MCC: variants seen among roughly 807,000 people sequenced by gnomAD.
MCC encodes the protein MCC regulator of Wnt signaling pathway, also known as colorectal mutant cancer protein.
In MCC, 90 loss-of-function variants were observed where a neutral mutation model predicts 116.2. The observed-to-expected ratio is 0.77, with a 90% CI of 0.65 to 0.92. The LOEUF (loss-of-function observed/expected upper bound fraction) is 0.92, where lower values mean the gene tolerates loss of function less well. MCC is among the 40% of genes least tolerant of loss of function. The probability of loss-of-function intolerance (pLI) is 0.00; values close to 1 mark genes in which losing one functional copy is unlikely to be tolerated. For synonymous variants in MCC, 578 were observed against 510.5 expected, an observed-to-expected ratio of 1.13 and a Z score of -1.78; for missense variants, 1,516 against 1,312.2, an observed-to-expected ratio of 1.16 and a Z score of -2.40.
At chr5:113,213,152 C>G (rs1763191647) in intron 3 of MCC, among the ~76,000 whole-genome samples, 1 of 152,200 alleles carries the variant, frequency 6.6e-6, no homozygotes, top group Non-Finnish European at 1.5e-5. Flanking sequence ...CTATTTGCCT[C>G]TTTCCTAGGG....
At chr5:113,073,066 C>T (rs1433539267) in intron 11 of MCC, among the ~76,000 whole-genome samples, 1 of 149,264 alleles carries the variant, frequency 6.7e-6, no homozygotes, top group Non-Finnish European at 1.5e-5. Flanking sequence ...TGAAACATTA[C>T]GAGATATTTT....
intron 17 of MCC, among the ~76,000 whole-genome samples, chr5:113,032,737 TAGG>T (rs1351759860): frequency 6.6e-6 from 1 of 152,132 alleles, no homozygotes; most frequent in African/African-American, 2.4e-5. Flanking sequence ...CAGGATGAGA[TAGG>T]AGGTCAGCAC....
intron 1 of MCC, among the ~76,000 whole-genome samples, chr5:113,445,569 T>C (rs1771187345): frequency 6.6e-6 from 1 of 152,066 alleles, no homozygotes. Context: ...AGGAGCACTA[T>C]AAAACACTGC....
At chr5:113,443,744 T>C (rs1241287802) in intron 1 of MCC, among the ~76,000 whole-genome samples, 1 of 152,222 alleles carries the variant, frequency 6.6e-6, no homozygotes, top group Non-Finnish European at 1.5e-5. Flanking sequence ...TCTGTATCTC[T>C]TGAGATAATC....
chr5:113,130,847 C>T (rs995918407), intron 5 of MCC, among the ~76,000 whole-genome samples: 6 of 152,116 alleles, frequency 3.9e-5, no homozygotes, highest in Admixed American at 1.3e-4. Context: ...GAACTGTGAG[C>T]CAAATAAACC....
At chr5:113,177,976 C>T (rs150169591) in intron 3 of MCC, among the ~76,000 whole-genome samples, 72 of 152,302 alleles carry the variant, frequency 4.7e-4, no homozygotes, top group African/African-American at 1.7e-3. Flanking sequence ...TCTTAGAAGA[C>T]TATTTCACTA....
chr5:113,173,141 A>G (rs1013473396), intron 3 of MCC, among the ~76,000 whole-genome samples: 7 of 152,154 alleles, frequency 4.6e-5, no homozygotes, highest in African/African-American at 1.7e-4. Flanking sequence ...TGTATGTTTC[A>G]TATTTTTATG....
chr5:113,070,900 G>A (rs549819739), intron 12 of MCC, among the ~76,000 whole-genome samples, 194 bp downstream of exon 12: 1 of 152,298 alleles, frequency 6.6e-6, no homozygotes, highest in Non-Finnish European at 1.5e-5. Context: ...AGATGAATAT[G>A]CTAGGAGAAA....
At chr5:113,120,102 A>AT (rs1258330707) in intron 6 of MCC, among the ~76,000 whole-genome samples, 1 of 152,244 alleles carries the variant, frequency 6.6e-6, no homozygotes, top group Admixed American at 6.5e-5. Context: ...CGGGATCAGT[A>AT]TAGGGCTCAC....
intron 3 of MCC, among the ~76,000 whole-genome samples, chr5:113,247,876 A>G (rs1314917194): frequency 1.3e-5 from 2 of 152,184 alleles, no homozygotes; most frequent in Non-Finnish European, 2.9e-5. Context: ...GATATATCCA[A>G]CAGCCATTTA....
intron 8 of MCC, among the ~76,000 whole-genome samples, chr5:113,101,282 G>T (rs775609203): frequency 6.6e-6 from 1 of 151,728 alleles, no homozygotes. Flanking sequence ...GTCTGCACCA[G>T]GAGAGACGAC....
chr5:113,191,610 G>A (rs1376640210), intron 3 of MCC, among the ~76,000 whole-genome samples: 2 of 152,232 alleles, frequency 1.3e-5, no homozygotes, highest in African/African-American at 4.8e-5. Flanking sequence ...GATGCAGGCA[G>A]AGGTTTCCTC....
chr5:113,296,227 G>C (rs1486963519), intron 3 of MCC, among the ~76,000 whole-genome samples: 1 of 152,148 alleles, frequency 6.6e-6, no homozygotes. Flanking sequence ...GTTGAAAACT[G>C]CATGTTTGAA....
At chr5:113,067,154 G>A (rs958653941) in intron 13 of MCC, among the ~76,000 whole-genome samples, 3 of 152,136 alleles carry the variant, frequency 2.0e-5, no homozygotes, top group African/African-American at 2.4e-5. Context: ...CAAAATTGAG[G>A]GACAGAAGTG....
At chr5:113,325,078 G>A (rs907174059) in intron 3 of MCC, among the ~76,000 whole-genome samples, 4 of 151,862 alleles carry the variant, frequency 2.6e-5, no homozygotes, top group Admixed American at 2.6e-4. Context: ...GGGCTCAAGC[G>A]ATCCTCCTGC....
intron 3 of MCC, among the ~76,000 whole-genome samples, chr5:113,195,142 C>T (rs1762334055): frequency 6.6e-6 from 1 of 152,230 alleles, no homozygotes; most frequent in Non-Finnish European, 1.5e-5. Flanking sequence ...AGCTCCAAGA[C>T]CACACACAGA....
chr5:113,381,742 T>C (rs1185243971), intron 2 of MCC, among the ~76,000 whole-genome samples: 1 of 152,086 alleles, frequency 6.6e-6, no homozygotes, highest in African/African-American at 2.4e-5. Context: ...GAGCCATGAT[T>C]GCACCACTGC....
intron 11 of MCC, among the ~76,000 whole-genome samples, chr5:113,075,380 G>C (rs1754365129): frequency 6.6e-6 from 1 of 152,188 alleles, no homozygotes; most frequent in South Asian, 2.1e-4. Flanking sequence ...CCTGCTCTGA[G>C]GTGCCCAGTC....
chr5:113,325,105 G>A (rs1767520132), intron 3 of MCC, among the ~76,000 whole-genome samples: 1 of 151,982 alleles, frequency 6.6e-6, no homozygotes, highest in African/African-American at 2.4e-5. Context: ...CTCTCAAAGT[G>A]TCTATATTAC....
Sources: allele counts gnomAD v4.1 joint callset (sites outside exome capture counted in the v4.1 genomes callset), GRCh38; gene constraint gnomAD v4.1.1; transcripts MANE v1.5; gene names NCBI Gene and HGNC (gene_info 2026-07-23, HGNC 2026-07-21).